Variants in ZNF599 observed in about 807,000 individuals in gnomAD.
The protein encoded by ZNF599 is zinc finger protein 599.
ZNF599 carries 10 observed loss-of-function variants against 11.7 expected under a neutral mutation model. That is an observed-to-expected ratio of 0.86 (90% CI 0.53 to 1.45). ZNF599 has a LOEUF of 1.45. ZNF599 is among the 40% of genes most tolerant of loss of function. The pLI is 0.00. For missense variants in ZNF599, 688 were observed against 713.6 expected, an observed-to-expected ratio of 0.96 and a Z score of 0.41; for synonymous variants, 232 against 253.2, an observed-to-expected ratio of 0.92 and a Z score of 0.79.
intron 1 of ZNF599, 28 bp downstream of exon 1, chr19:34,772,796 C>G (rs2069192496): frequency 2.6e-6 from 4 of 1,534,494 alleles, no homozygotes; most frequent in African/African-American, 2.8e-5. Context: ...GACCCGAGCT[C>G]GCGCGGGCTG....
the ZNF599 span, among the ~76,000 whole-genome samples, chr19:34,782,047 G>A: frequency 6.6e-6 from 1 of 152,188 alleles, no homozygotes; most frequent in Non-Finnish European, 1.5e-5. Context: ...ACAGGGACAG[G>A]TTACTGATAT....
the ZNF599 span, among the ~76,000 whole-genome samples, chr19:34,800,673 G>A: frequency 3.5e-4 from 48 of 136,626 alleles, no homozygotes; most frequent in African/African-American, 1.2e-3. Context: ...TCGGCTCACT[G>A]CAACCTCTGC....
the ZNF599 span, among the ~76,000 whole-genome samples, chr19:34,802,798 G>C: frequency 1.3e-5 from 2 of 152,124 alleles, no homozygotes; most frequent in Admixed American, 6.5e-5. Context: ...CCTCTGAGCC[G>C]CATGTCCCCA....
At chr19:34,762,282 A>G (rs2069118037) in intron 3 of ZNF599, among the ~76,000 whole-genome samples, 1 of 152,352 alleles carries the variant, frequency 6.6e-6, no homozygotes, top group East Asian at 1.9e-4. Flanking sequence ...TAGGACCACA[A>G]TGAGATGCCC....
the ZNF599 span, among the ~76,000 whole-genome samples, chr19:34,790,113 T>C: frequency 6.6e-6 from 1 of 152,208 alleles, no homozygotes; most frequent in African/African-American, 2.4e-5. Context: ...AGACTGTCCT[T>C]TTCCCATGGT....
In ZNF599 at chr19:34,760,392, G is replaced by A. The variant is rs771297397; in HGVS notation, c.409C>T (p.Pro137Ser). 1.9e-6 allele frequency: 3 copies of A among 1,614,046 alleles called. No homozygotes were observed. Among genetic ancestry groups the A allele is most frequent in the Middle Eastern group, 1.6e-4 (1 of 6,062 alleles). Residue 137 changes from proline to serine, a missense_variant, in exon 4 of 4, where the codon CCA becomes TCA. Physicochemically the swap from Pro to Ser is moderately conservative, Grantham distance 74. Transcript: ENST00000329285. ...ATCTCTTTGTGGGGGTTTGTTCCTG[G>A]CCTCAAGTTCCCTTCCTGAATTTTT... ...LIKIQEGNLR[P>S]GTNPHKEICP...
chr19:34,772,632 C>T (rs1568495576), intron 1 of ZNF599, 192 bp downstream of exon 1: 9 of 1,385,882 alleles, frequency 6.5e-6, no homozygotes, highest in African/African-American at 1.5e-5. Flanking sequence ...CCTTACAACT[C>T]CTGTCCTGGA....
At chr19:34,804,132 G>A in the ZNF599 span, among the ~76,000 whole-genome samples, 8 of 152,140 alleles carry the variant, frequency 5.3e-5, no homozygotes, top group Non-Finnish European at 8.8e-5. Flanking sequence ...CAACATGCAG[G>A]TTTTAGATAC....
At chr19:34,792,718 C>G in the ZNF599 span, among the ~76,000 whole-genome samples, 1 of 152,018 alleles carries the variant, frequency 6.6e-6, no homozygotes, top group Admixed American at 6.6e-5. Flanking sequence ...AAAAAATTAG[C>G]TGGGCGTGGT....
the ZNF599 span, among the ~76,000 whole-genome samples, chr19:34,778,254 T>A: frequency 6.6e-6 from 1 of 151,878 alleles, no homozygotes; most frequent in African/African-American, 2.4e-5. Context: ...TGGGTCTTAG[T>A]TTCCACATTA....
the ZNF599 span, among the ~76,000 whole-genome samples, chr19:34,802,665 A>T: frequency 6.6e-6 from 1 of 152,130 alleles, no homozygotes; most frequent in Non-Finnish European, 1.5e-5. Flanking sequence ...GAAAGGTAGA[A>T]ATGAGGTGTG....
chr19:34,775,967 ATTGAG>A (rs1368326003), upstream of ZNF599, among the ~76,000 whole-genome samples: 1 of 152,224 alleles, frequency 6.6e-6, no homozygotes, highest in African/African-American at 2.4e-5. Context: ...GTTGCTAAAT[ATTGAG>A]TTAATATGTT....
chr19:34,779,311 G>T, the ZNF599 span: 1 of 201,672 alleles, frequency 5.0e-6, no homozygotes, highest in East Asian at 1.7e-4. Flanking sequence ...GTGTTGTCCA[G>T]GCTGGTCTCA....
intron 3 of ZNF599, chr19:34,764,272 G>A (rs2069129330): frequency 6.6e-6 from 1 of 152,178 alleles, no homozygotes; most frequent in Admixed American, 6.5e-5. Context: ...AGAGTAAAGG[G>A]AAAGACACCA....
intron 3 of ZNF599, among the ~76,000 whole-genome samples, chr19:34,761,892 C>T (rs1465728413): frequency 1.3e-5 from 2 of 151,946 alleles, no homozygotes; most frequent in African/African-American, 2.4e-5. Context: ...AAGCATTAAT[C>T]ATAAATGAAA....
the ZNF599 span, among the ~76,000 whole-genome samples, chr19:34,791,037 A>G: frequency 2.6e-5 from 4 of 152,226 alleles, no homozygotes; most frequent in South Asian, 8.3e-4. Context: ...ACAGTTCCAT[A>G]TATTATCTAA....
At chr19:34,797,975 G>C in the ZNF599 span, among the ~76,000 whole-genome samples, 1 of 152,106 alleles carries the variant, frequency 6.6e-6, no homozygotes, top group African/African-American at 2.4e-5. Context: ...CTCTCCACAA[G>C]GGTCGCATTC....
chr19:34,758,936 A>G lies in ZNF599; in HGVS notation c.*98T>C. ...AGATACTAAGACATCTCTCTGGCCAAAATATTTCCCTCAATAGTTATACTC... is the reference window on the plus strand; with the variant it reads ...AGATACTAAGACATCTCTCTGGCCAGAATATTTCCCTCAATAGTTATACTC... On this transcript the variant is annotated 3_prime_UTR_variant, in exon 4 of 4. Transcript: ENST00000329285. 1 of 1,323,910 alleles carries G rather than the reference A, an allele frequency of 7.6e-7. No homozygotes were observed. Among genetic ancestry groups the G allele is most frequent in the Non-Finnish European group, 1.0e-6 (1 of 962,260 alleles). The allele number at this position is 1,323,910 out of a possible 1,614,324, so 82.0% of individuals were successfully genotyped here.
At chr19:34,802,403 A>G in the ZNF599 span, among the ~76,000 whole-genome samples, 1 of 152,236 alleles carries the variant, frequency 6.6e-6, no homozygotes, top group Non-Finnish European at 1.5e-5. Flanking sequence ...TGCTGATGAC[A>G]CAAGAGGTGT....
Sources: allele counts gnomAD v4.1 joint callset (sites outside exome capture counted in the v4.1 genomes callset), GRCh38; gene constraint gnomAD v4.1.1; transcripts MANE v1.5; gene names NCBI Gene and HGNC (gene_info 2026-07-23, HGNC 2026-07-21).